The following POU6F2 variants were observed in gnomAD, a reference collection of about 807,000 sequenced individuals.
POU6F2 encodes the protein POU class 6 homeobox 2, also known as POU domain, class 6, transcription factor 2.
In POU6F2, 31 loss-of-function variants were observed where a neutral mutation model predicts 71.3. The observed-to-expected ratio is 0.43, with a 90% CI of 0.33 to 0.59. The LOEUF is 0.59. POU6F2 is among the 20% of genes least tolerant of loss of function. The pLI is 0.04. For missense variants in POU6F2, 783 were observed against 856.8 expected, an observed-to-expected ratio of 0.91 and a Z score of 1.07; for synonymous variants, 347 against 355.7, an observed-to-expected ratio of 0.98 and a Z score of 0.27.
At chr7:39,165,826 C>G (rs539372790) in intron 2 of POU6F2, among the ~76,000 whole-genome samples, 56 of 152,234 alleles carry the variant, frequency 3.7e-4, no homozygotes, top group African/African-American at 1.3e-3. Context: ...TAATAATTAG[C>G]CAATAAATAC....
chr7:39,012,796 A>T (rs1184579008), intron 1 of POU6F2, among the ~76,000 whole-genome samples: 5 of 150,926 alleles, frequency 3.3e-5, no homozygotes, highest in Non-Finnish European at 7.4e-5. Flanking sequence ...GTGAGGTGTC[A>T]GTGTGCCCCT....
chr7:39,300,282 G>A (rs1008516519), intron 4 of POU6F2, among the ~76,000 whole-genome samples: 2 of 152,202 alleles, frequency 1.3e-5, no homozygotes, highest in African/African-American at 4.8e-5. Context: ...GAATTCAGTT[G>A]TGTGGAATGG....
rs540052772 is a variant in POU6F2, at chr7:39,380,701, G to A, written c.973-25899G>A. The stretch of plus-strand genomic sequence containing the variant: ...CCATTTCTATGATAAATATCTGTAC[G>A]GAGGCAAAGTATGAAAAGCTGCCGA... On this transcript the variant is annotated intron_variant, in intron 5 of 9. Coordinates refer to ENST00000518318, the MANE Select transcript of POU6F2 (RefSeq NM_001370959.1). Among the ~76,000 whole-genome samples, 63 of 152,206 alleles carry A rather than the reference G, an allele frequency of 4.1e-4. No individual in the cohort carries two copies. In the South Asian group the frequency reaches 1.0e-2, roughly 24 times the overall value.
chr7:39,427,662 A>G (rs957429861), intron 6 of POU6F2, among the ~76,000 whole-genome samples: 6 of 152,192 alleles, frequency 3.9e-5, no homozygotes, highest in African/African-American at 1.4e-4. Flanking sequence ...CTGAGATTGT[A>G]CAAATATTTG....
At chr7:39,169,045 A>G (rs762848809) in intron 2 of POU6F2, among the ~76,000 whole-genome samples, 1 of 152,222 alleles carries the variant, frequency 6.6e-6, no homozygotes, top group African/African-American at 2.4e-5. Context: ...ATGTTTAACA[A>G]TCTTGCATTG....
chr7:39,465,043 G>A lies in POU6F2; in HGVS notation c.*357G>A. The stretch of plus-strand genomic sequence containing the variant: ...CCACGTACTTTTTTCTGTATATTAT[G>A]AAAATGTGAACACATTTTAAGGAAA... On this transcript the variant is annotated 3_prime_UTR_variant, in exon 10 of 10. Coordinates refer to ENST00000518318, the MANE Select transcript of POU6F2 (RefSeq NM_001370959.1). The A allele has an allele frequency of 5.5e-6, 1 of 182,518 alleles. No homozygotes were observed. Among genetic ancestry groups the A allele is most frequent in the Non-Finnish European group, 1.1e-5 (1 of 89,780 alleles). 11.3% of individuals were successfully genotyped at this position (182,518 alleles called of 1,614,324 possible).
intron 2 of POU6F2, among the ~76,000 whole-genome samples, chr7:39,141,088 T>TA (rs1385372012): frequency 3.3e-5 from 5 of 152,166 alleles, no homozygotes. Context: ...TAACTCACAC[T>TA]AGGGCCTCTA....
chr7:39,296,551 A>C (rs1489765111), intron 4 of POU6F2, among the ~76,000 whole-genome samples: 1 of 152,124 alleles, frequency 6.6e-6, no homozygotes, highest in African/African-American at 2.4e-5. Flanking sequence ...CAAAATCCCT[A>C]AACACAGCCT....
At chr7:39,182,441 T>G (rs1793452703) in intron 2 of POU6F2, among the ~76,000 whole-genome samples, 1 of 152,220 alleles carries the variant, frequency 6.6e-6, no homozygotes, top group South Asian at 2.1e-4. Flanking sequence ...TCAATTCTCA[T>G]TATTCCAATG....
chr7:39,130,479 C>A (rs1441167448), intron 2 of POU6F2, among the ~76,000 whole-genome samples: 2 of 152,142 alleles, frequency 1.3e-5, no homozygotes, highest in African/African-American at 4.8e-5. Flanking sequence ...TACGTAAGCA[C>A]AAGCAACCTG....
chr7:39,351,976 A>G (rs956556410), intron 5 of POU6F2, among the ~76,000 whole-genome samples: 4 of 152,226 alleles, frequency 2.6e-5, no homozygotes, highest in Non-Finnish European at 5.9e-5. Flanking sequence ...TCATGGAGGT[A>G]GATAGCACTG....
intron 4 of POU6F2, among the ~76,000 whole-genome samples, chr7:39,267,807 C>T (rs556713200): frequency 4.0e-4 from 61 of 152,084 alleles, no homozygotes; most frequent in Non-Finnish European, 7.5e-4. Flanking sequence ...CACTGTTAAC[C>T]CTAATTAGCT....
intron 4 of POU6F2, among the ~76,000 whole-genome samples, chr7:39,331,835 C>G (rs1583530747): frequency 6.6e-6 from 1 of 152,122 alleles, no homozygotes; most frequent in Admixed American, 6.5e-5. Flanking sequence ...AAAGGCATTT[C>G]CCTGATAAGT....
intron 6 of POU6F2, among the ~76,000 whole-genome samples, chr7:39,424,260 A>G (rs749288274): frequency 2.0e-5 from 3 of 152,206 alleles, no homozygotes; most frequent in Admixed American, 6.5e-5. Context: ...TCTTCAGTCC[A>G]TAGCAATGCC....
At chr7:39,385,296 G>T (rs1786913432) in intron 5 of POU6F2, among the ~76,000 whole-genome samples, 1 of 152,124 alleles carries the variant, frequency 6.6e-6, no homozygotes, top group African/African-American at 2.4e-5. Flanking sequence ...TTTCCCTCTT[G>T]TGTTTTTATT....
chr7:39,273,531 A>G (rs1481431509), intron 4 of POU6F2, among the ~76,000 whole-genome samples: 28 of 152,110 alleles, frequency 1.8e-4, no homozygotes, highest in Non-Finnish European at 2.9e-4. Context: ...TGAAAAACAT[A>G]GAAAGACTGG....
At chr7:38,991,896 T>C (rs145084708) in intron 1 of POU6F2, among the ~76,000 whole-genome samples, 406 of 152,202 alleles carry the variant, frequency 2.7e-3, no homozygotes, top group Non-Finnish European at 4.4e-3. Flanking sequence ...TGTCTTTAAC[T>C]GTATAACATT....
chr7:38,990,124 A>G (rs947924673), intron 1 of POU6F2, among the ~76,000 whole-genome samples: 3 of 152,250 alleles, frequency 2.0e-5, no homozygotes, highest in Admixed American at 2.0e-4. Context: ...CTGGCCAAAT[A>G]TATGTTGGCA....
chr7:39,251,698 A>G lies in POU6F2; in HGVS notation c.598+44078A>G, dbSNP rs143312943. Among the ~76,000 whole-genome samples, 1,310 of 152,298 alleles carry G rather than the reference A, an allele frequency of 8.6e-3. 13 individuals carry two copies. The highest frequency in any genetic ancestry group is 0.02 in the Middle Eastern group (6 of 294). On this transcript the variant is annotated intron_variant, in intron 4 of 9. Coordinates refer to ENST00000518318, the MANE Select transcript of POU6F2 (RefSeq NM_001370959.1). ...TCTGAGACTCCTCTCCTCATGTAGC[A>G]AATGCAGTCTGAACTGTAGCATCCT...
Sources: allele counts gnomAD v4.1 joint callset (sites outside exome capture counted in the v4.1 genomes callset), GRCh38; gene constraint gnomAD v4.1.1; transcripts MANE v1.5; gene names NCBI Gene and HGNC (gene_info 2026-07-23, HGNC 2026-07-21).